SPIDR: variants seen among roughly 807,000 people sequenced by gnomAD.
SPIDR encodes the protein scaffold protein involved in DNA repair, also known as DNA repair-scaffolding protein.
In SPIDR, 93 loss-of-function variants were observed where a neutral mutation model predicts 104.6. That is an observed-to-expected ratio of 0.89 (90% CI 0.75 to 1.06). SPIDR has a LOEUF of 1.06. SPIDR is among the 50% of genes least tolerant of loss of function. The probability of loss-of-function intolerance (pLI) is 0.00; values close to 1 mark genes in which losing one functional copy is unlikely to be tolerated. For missense variants in SPIDR, 1,154 were observed against 1,111.2 expected, an observed-to-expected ratio of 1.04 and a Z score of -0.55; for synonymous variants, 431 against 416.9, an observed-to-expected ratio of 1.03 and a Z score of -0.41.
chr8:47,266,473 T>C (rs2034078543), intron 1 of SPIDR, among the ~76,000 whole-genome samples: 1 of 152,196 alleles, frequency 6.6e-6, no homozygotes, highest in South Asian at 2.1e-4. Context: ...TAGTGTTCCA[T>C]ATAATGGATA....
intron 5 of SPIDR, among the ~76,000 whole-genome samples, chr8:47,346,070 T>C (rs1377082827): frequency 1.3e-5 from 2 of 152,230 alleles, no homozygotes; most frequent in Non-Finnish European, 2.9e-5. Context: ...TTCTAGTTTT[T>C]GCCCATTCAG....
intron 19 of SPIDR, among the ~76,000 whole-genome samples, chr8:47,734,869 A>C (rs1235682852): frequency 6.6e-6 from 1 of 152,186 alleles, no homozygotes; most frequent in African/African-American, 2.4e-5. Flanking sequence ...GAAGAAATGG[A>C]ATCCTATTAA....
chr8:47,346,506 C>A (rs754791896), intron 5 of SPIDR, among the ~76,000 whole-genome samples: 1 of 152,164 alleles, frequency 6.6e-6, no homozygotes, highest in East Asian at 1.9e-4. Flanking sequence ...AGGATTCCCT[C>A]TTTTTCTATT....
intron 8 of SPIDR, chr8:47,547,541 C>A (rs910589718): frequency 5.0e-5 from 9 of 179,246 alleles, no homozygotes; most frequent in Non-Finnish European, 9.3e-5. Context: ...ATTCTCCTGG[C>A]TCAGCCTCGG....
At chr8:47,725,072 G>A (rs2084012309) in intron 16 of SPIDR, among the ~76,000 whole-genome samples, 1 of 152,170 alleles carries the variant, frequency 6.6e-6, no homozygotes, top group South Asian at 2.1e-4. Context: ...AGACTTGTGA[G>A]CCCTGACTTC....
intron 10 of SPIDR, among the ~76,000 whole-genome samples, chr8:47,622,379 G>A (rs766439831): frequency 5.3e-5 from 8 of 152,174 alleles, no homozygotes; most frequent in South Asian, 2.1e-4. Flanking sequence ...AGCCTGTGAC[G>A]TTCCCTAAGC....
At chr8:47,697,447 A>G (rs1295689323) in intron 11 of SPIDR, among the ~76,000 whole-genome samples, 1 of 152,210 alleles carries the variant, frequency 6.6e-6, no homozygotes, top group African/African-American at 2.4e-5. Context: ...AGATCTTGAT[A>G]TCTTTCCACT....
chr8:47,459,478 A>G (rs558993206), intron 8 of SPIDR, among the ~76,000 whole-genome samples: 6 of 152,082 alleles, frequency 3.9e-5, no homozygotes, highest in African/African-American at 1.4e-4. Context: ...GTCAGTCTTG[A>G]TATCTCCCAT....
intron 7 of SPIDR, among the ~76,000 whole-genome samples, chr8:47,408,926 G>A (rs527420791): frequency 6.6e-6 from 1 of 152,308 alleles, no homozygotes; most frequent in South Asian, 2.1e-4. Flanking sequence ...GATGGCTCAC[G>A]CCTGTAATCC....
chr8:47,346,640 C>T (rs2052120615), intron 5 of SPIDR, among the ~76,000 whole-genome samples: 1 of 152,112 alleles, frequency 6.6e-6, no homozygotes, highest in African/African-American at 2.4e-5. Flanking sequence ...ATTTCAGAAC[C>T]TGTTATTGGT....
At chr8:47,697,275 G>A (rs1445546918) in intron 11 of SPIDR, among the ~76,000 whole-genome samples, 1 of 149,190 alleles carries the variant, frequency 6.7e-6, no homozygotes, top group African/African-American at 2.5e-5. Flanking sequence ...CAGAGCGAGA[G>A]ACCCTGTTAA....
At chr8:47,457,096 ACTT>A (rs1311791433) in intron 8 of SPIDR, among the ~76,000 whole-genome samples, 1 of 152,124 alleles carries the variant, frequency 6.6e-6, no homozygotes, top group Non-Finnish European at 1.5e-5. Context: ...TCCTGTAACA[ACTT>A]CTTTTCCTCT....
At chr8:47,713,322 C>G in intron 15 of SPIDR, 167 bp from the exon 16 acceptor site, 1 of 925,536 alleles carries the variant, frequency 1.1e-6, no homozygotes, top group Non-Finnish European at 1.6e-6. Context: ...TTTAGCTTAG[C>G]TCATGGGGTT....
chr8:47,652,603 A>G (rs117384441), intron 10 of SPIDR, among the ~76,000 whole-genome samples: 129 of 152,324 alleles, frequency 8.5e-4, no homozygotes, highest in Non-Finnish European at 1.4e-3. Context: ...AAATTACTTC[A>G]CTGAAAAATG....
intron 10 of SPIDR, among the ~76,000 whole-genome samples, chr8:47,609,379 T>G (rs1212093380): frequency 1.3e-5 from 2 of 152,242 alleles, no homozygotes; most frequent in African/African-American, 2.4e-5. Flanking sequence ...GCTTTTGCCC[T>G]TATATTTTGG....
chr8:47,522,723 A>G (rs2084361277), intron 8 of SPIDR, among the ~76,000 whole-genome samples: 1 of 152,210 alleles, frequency 6.6e-6, no homozygotes, highest in Non-Finnish European at 1.5e-5. Context: ...TTTTAAAAAC[A>G]TGGTTTTTAA....
At chr8:47,389,718 A>G (rs1191157956) in intron 5 of SPIDR, among the ~76,000 whole-genome samples, 3 of 147,054 alleles carry the variant, frequency 2.0e-5, no homozygotes, top group African/African-American at 7.7e-5. Flanking sequence ...AAAAGTTTCC[A>G]TGGAACAAAA....
In SPIDR at chr8:47,688,386, T is replaced by A. The variant is rs528200848; in HGVS notation, c.1686-12017T>A. On this transcript the variant is annotated intron_variant, in intron 11 of 19. Transcript: ENST00000297423. ...ATCCGCCCGCCTCGGCCTCCCAAAG[T>A]GCTGGGATTACAGGCGTGAGCCACC... 682 of 152,472 alleles carry A rather than the reference T, an allele frequency of 4.5e-3. 3 individuals carry two copies. The highest frequency in any genetic ancestry group is 5.9e-3 in the Non-Finnish European group (406 of 68,326). The allele number at this position is 152,472 out of a possible 1,614,324, so 9.4% of individuals were successfully genotyped here.
At chr8:47,321,724 A>G (rs1446394940) in intron 5 of SPIDR, among the ~76,000 whole-genome samples, 2 of 152,254 alleles carry the variant, frequency 1.3e-5, no homozygotes, top group Non-Finnish European at 2.9e-5. Flanking sequence ...CCAAAACTGC[A>G]TGGTACTGGT....
Sources: allele counts gnomAD v4.1 joint callset (sites outside exome capture counted in the v4.1 genomes callset), GRCh38; gene constraint gnomAD v4.1.1; transcripts MANE v1.5; gene names NCBI Gene and HGNC (gene_info 2026-07-23, HGNC 2026-07-21).